The following UGT2B7 variants were observed in gnomAD, a reference collection of about 807,000 sequenced individuals.
The protein encoded by UGT2B7 is UDP glucuronosyltransferase family 2 member B7, also known as UDP-glucuronosyltransferase 2B7.
A neutral mutation model predicts 51.9 loss-of-function variants in UGT2B7; 51 were observed. The observed-to-expected ratio is 0.98, with a 90% confidence interval of 0.78 to 1.24. The LOEUF is 1.24. UGT2B7 is among the 50% of genes most tolerant of loss of function. The pLI, the probability that UGT2B7 is intolerant of heterozygous loss-of-function variation, is 0.00. For synonymous variants in UGT2B7, 225 were observed against 211.6 expected, an observed-to-expected ratio of 1.06 and a Z score of -0.55; for missense variants, 727 against 628.4, an observed-to-expected ratio of 1.16 and a Z score of -1.68.
In UGT2B7 at chr4:69,102,847, T is replaced by C. The variant is rs1219632767; in HGVS notation, c.911T>C (p.Val304Ala). The C allele has an allele frequency of 1.2e-6, 2 of 1,613,478 alleles. No homozygotes were observed. Among genetic ancestry groups the C allele is most frequent in the Non-Finnish European group, 1.7e-6 (2 of 1,179,702 alleles). ...GTACAGAGCTCTGGAGAAAATGGTG[T>C]TGTGGTGTTTTCTCTGGGGTCAATG... ...DFVQSSGENG[V>A]VVFSLGSMVS... is the part of the protein sequence containing the mutation. Residue 304 changes from valine (V) to alanine (A), a missense_variant, in exon 3 of 6, where the codon GTT becomes GCT. Transcript: ENST00000305231.
intron 1 of UGT2B7, among the ~76,000 whole-genome samples, chr4:69,076,604 T>C (rs541696022): frequency 2.0e-5 from 3 of 152,250 alleles, no homozygotes; most frequent in Non-Finnish European, 4.4e-5. Flanking sequence ...TCTGTTCATA[T>C]CCTTCACCCA....
At chr4:69,095,848 C>T (rs1057063397), upstream of UGT2B7, among the ~76,000 whole-genome samples, 1 of 152,062 alleles carries the variant, frequency 6.6e-6, no homozygotes, top group Non-Finnish European at 1.5e-5. Flanking sequence ...TCACAAAATA[C>T]CACATATTGT....
intron 2 of UGT2B7, among the ~76,000 whole-genome samples, chr4:69,100,125 T>C (rs1429784328): frequency 6.6e-6 from 1 of 152,028 alleles, no homozygotes; most frequent in Non-Finnish European, 1.5e-5. Flanking sequence ...AAACATACCC[T>C]ATGAGAGCAG....
At chr4:69,061,860 G>C (rs1005445269) in intron 1 of UGT2B7, among the ~76,000 whole-genome samples, 9 of 152,148 alleles carry the variant, frequency 5.9e-5, no homozygotes, top group Admixed American at 2.0e-4. Flanking sequence ...ATTGCCCCAA[G>C]CAGGGGTCTA....
intron 1 of UGT2B7, among the ~76,000 whole-genome samples, chr4:69,062,262 A>G (rs183531889): frequency 1.3e-4 from 20 of 152,250 alleles, no homozygotes; most frequent in East Asian, 3.9e-4. Flanking sequence ...TATTTGCCCA[A>G]TGAGATTTTG....
chr4:69,091,594 G>A (rs879511134), upstream of UGT2B7, among the ~76,000 whole-genome samples: 13 of 151,912 alleles, frequency 8.6e-5, no homozygotes, highest in Non-Finnish European at 1.5e-4. Context: ...ATTTCAATTC[G>A]GAGCCCTGTA....
At chr4:69,087,006 A>C (rs1314045903) in intron 1 of UGT2B7, among the ~76,000 whole-genome samples, 1 of 151,256 alleles carries the variant, frequency 6.6e-6, no homozygotes, top group Non-Finnish European at 1.5e-5. Context: ...CCATTTTGTT[A>C]ATTGTTTTCT....
chr4:69,053,443 G>T (rs982819497), intron 1 of UGT2B7, among the ~76,000 whole-genome samples: 1 of 152,176 alleles, frequency 6.6e-6, no homozygotes, highest in African/African-American at 2.4e-5. Flanking sequence ...CCATCTGCAC[G>T]TTAAACAAAA....
chr4:69,100,038 CTT>C (rs1427046763), intron 2 of UGT2B7, among the ~76,000 whole-genome samples: 1 of 151,986 alleles, frequency 6.6e-6, no homozygotes. Flanking sequence ...TGCAGACAAA[CTT>C]AGTGTTCACT....
Position 69,104,114 on chromosome 4 carries a change from C to T in UGT2B7, c.1002+1176C>T, listed in dbSNP as rs182951520. Among the ~76,000 whole-genome samples the T allele has an allele frequency of 3.4e-3, 513 of 152,118 alleles. 2 individuals are homozygous for T. The highest frequency in any genetic ancestry group is 0.017 in the Middle Eastern group (5 of 294). ...CCAGCTTGGCCAACATGGTGAAACC[C>T]GTCTCTACTGAAAATAGAAAAAATT... On this transcript the variant is annotated intron_variant, in intron 3 of 5. Coordinates refer to ENST00000305231, the MANE Select transcript of UGT2B7 (RefSeq NM_001074.4).
chr4:69,083,871 T>TC (rs34762485), intron 1 of UGT2B7, among the ~76,000 whole-genome samples: 94,726 of 151,556 alleles, frequency 0.63, 31,063 homozygotes, highest in African/African-American at 0.81. Context: ...GACCTTTCTT[T>TC]TTTCTCTTGG....
upstream of UGT2B7, among the ~76,000 whole-genome samples, chr4:69,095,206 G>A (rs781604462): frequency 6.6e-6 from 1 of 152,232 alleles, no homozygotes; most frequent in Non-Finnish European, 1.5e-5. Context: ...TGAGCAAGGA[G>A]ATAAGAAGAG....
At chr4:69,095,465 C>T (rs933701221), upstream of UGT2B7, among the ~76,000 whole-genome samples, 6 of 152,180 alleles carry the variant, frequency 3.9e-5, no homozygotes, top group African/African-American at 1.4e-4. Flanking sequence ...GTAGTTTTAG[C>T]AGTATGCTGG....
At chr4:69,079,726 G>T (rs1718792852) in intron 1 of UGT2B7, among the ~76,000 whole-genome samples, 1 of 152,070 alleles carries the variant, frequency 6.6e-6, no homozygotes, top group Non-Finnish European at 1.5e-5. Flanking sequence ...ATGAATACCT[G>T]CTTGGCCTCT....
chr4:69,062,434 C>T (rs758299153), intron 1 of UGT2B7, among the ~76,000 whole-genome samples: 1 of 152,314 alleles, frequency 6.6e-6, no homozygotes, highest in South Asian at 2.1e-4. Flanking sequence ...ACCCAGTACA[C>T]CCTTTCAAAC....
chr4:69,055,533 C>A (rs1372962952), intron 1 of UGT2B7, among the ~76,000 whole-genome samples: 1 of 152,158 alleles, frequency 6.6e-6, no homozygotes, highest in Non-Finnish European at 1.5e-5. Flanking sequence ...AGAACACTAT[C>A]CAGAACCAGT....
At chr4:69,053,735 G>A (rs1166837487) in intron 1 of UGT2B7, among the ~76,000 whole-genome samples, 2 of 152,152 alleles carry the variant, frequency 1.3e-5, no homozygotes, top group Non-Finnish European at 2.9e-5. Context: ...AAAGGATGCA[G>A]TGAGCTTAAG....
chr4:69,096,871 A>C lies in UGT2B7; in HGVS notation c.351A>C (p.Ser117=). ...LYFSQVQEIM[S]IFGDITRKFC... is the part of the protein sequence containing the mutation. ...TTTCACAAGTACAGGAAATCATGTCAATATTTGGTGACATAACTAGAAAGT... is the reference window on the plus strand; with the variant it reads ...TTTCACAAGTACAGGAAATCATGTCCATATTTGGTGACATAACTAGAAAGT... Residue 117 remains serine (S), a synonymous_variant, in exon 1 of 6, where the codon TCA becomes TCC. Transcript: ENST00000305231. 1 of 1,613,466 alleles carries C rather than the reference A, an allele frequency of 6.2e-7. No homozygotes were observed. Among genetic ancestry groups the C allele is most frequent in the Middle Eastern group, 1.7e-4 (1 of 6,058 alleles).
At chr4:69,089,433 T>C (rs1251096196) in intron 1 of UGT2B7, 1 of 152,220 alleles carries the variant, frequency 6.6e-6, no homozygotes, top group Non-Finnish European at 1.5e-5. Context: ...TTCTACATGA[T>C]ATTGCATCTT....
Sources: allele counts gnomAD v4.1 joint callset (sites outside exome capture counted in the v4.1 genomes callset), GRCh38; gene constraint gnomAD v4.1.1; transcripts MANE v1.5; gene names NCBI Gene and HGNC (gene_info 2026-07-23, HGNC 2026-07-21).